Variants in ESR1 observed in about 807,000 individuals in gnomAD.
ESR1 encodes estrogen receptor.
A neutral mutation model predicts 52.7 loss-of-function variants in ESR1; 12 were observed. The ratio of observed to expected loss-of-function variants is 0.23; its 90% CI spans 0.15 to 0.37. The LOEUF is 0.37. Ranked by LOEUF, ESR1 falls within the 10% of genes least tolerant of loss-of-function variation. The pLI, the probability that ESR1 is intolerant of heterozygous loss-of-function variation, is 1.00. For synonymous variants in ESR1, 305 were observed against 316.8 expected, an observed-to-expected ratio of 0.96 and a Z score of 0.39; for missense variants, 584 against 779.7, an observed-to-expected ratio of 0.75 and a Z score of 2.99.
At chr6:151,763,225 AT>A (rs67778362) in intron 2 of ESR1, among the ~76,000 whole-genome samples, 58 of 146,642 alleles carry the variant, frequency 4.0e-4, no homozygotes, top group South Asian at 4.3e-4. Flanking sequence ...ACTGTGTCTG[AT>A]TTTTTTTTTT....
At chr6:152,122,697 A>T in intron 6 of ESR1, 1 of 1,613,486 alleles carries the variant, frequency 6.2e-7, no homozygotes, top group Non-Finnish European at 8.5e-7. Flanking sequence ...AATGGACATA[A>T]ATTACTCAGA....
intron 1 of ESR1, among the ~76,000 whole-genome samples, chr6:151,831,771 C>T (rs554193581): frequency 2.0e-5 from 3 of 152,260 alleles, no homozygotes; most frequent in South Asian, 2.1e-4. Flanking sequence ...CCATGTAAAA[C>T]GCTTAAAATA....
At chr6:151,708,873 T>TATATCAATATCGAGATATACATATATCTC (rs1780368004) in intron 2 of ESR1, among the ~76,000 whole-genome samples, 2 of 151,974 alleles carry the variant, frequency 1.3e-5, no homozygotes, top group African/African-American at 2.4e-5. Context: ...ACATATATCT[T>TATATCAATATCGAGATATACATATATCTC]GATATATCAA....
chr6:152,113,582 G>A (rs1434099933), intron 6 of ESR1, among the ~76,000 whole-genome samples: 2 of 152,102 alleles, frequency 1.3e-5, no homozygotes, highest in Non-Finnish European at 2.9e-5. Flanking sequence ...TATTGTGTGT[G>A]TGTGTGTGTG....
rs1325925889 is a variant in ESR1 at position 152,098,066 on chromosome 6, G to A, written c.1554-666G>A. ...GGAGGAAGGTTCATCCCAGCAAGTA[G>A]GAACAGCAAGTGTAGGTCCCCTAAG... On this transcript the variant is annotated intron_variant, in intron 7 of 7. Coordinates refer to ENST00000206249, the MANE Select transcript of ESR1 (RefSeq NM_000125.4). This position sits in a 1 kb window ranked among gnomAD's most constrained non-coding sequence, Gnocchi z 5.1. Among the ~76,000 whole-genome samples the A allele has an allele frequency of 6.6e-6, 1 of 152,090 alleles. No individual in the cohort carries two copies. Among genetic ancestry groups the A allele is most frequent in the Admixed American group, 6.5e-5 (1 of 15,274 alleles).
intron 1 of ESR1, among the ~76,000 whole-genome samples, chr6:151,700,668 C>CTT (rs34905961): frequency 2.7e-3 from 315 of 117,018 alleles, no homozygotes; most frequent in Middle Eastern, 4.9e-3. Flanking sequence ...TTAAACTTTC[C>CTT]TTTTTTTTTT....
At chr6:151,836,443 A>G (rs1000086295) in intron 1 of ESR1, among the ~76,000 whole-genome samples, 1 of 152,194 alleles carries the variant, frequency 6.6e-6, no homozygotes, top group African/African-American at 2.4e-5. Context: ...AATATTCACT[A>G]TCATGAGAAC....
chr6:151,758,485 G>A (rs1784432047), intron 2 of ESR1, among the ~76,000 whole-genome samples: 1 of 152,180 alleles, frequency 6.6e-6, no homozygotes, highest in Non-Finnish European at 1.5e-5. Context: ...GGAAGGCCAG[G>A]GATGGTGGCT....
In ESR1 at chr6:151,717,959, T is replaced by C. The variant is rs80308870; in HGVS notation, c.-71+15954T>C. ...TGCTGGGGAGTGTGGAGGAGCTCTT[T>C]GTTGGTGTTGCACATACAATTTAAG... On this transcript the variant is annotated intron_variant, in intron 2 of 2. Coordinates refer to the ESR1 transcript ENST00000404742. Among the ~76,000 whole-genome samples the C allele has an allele frequency of 8.8e-3, 1,333 of 152,274 alleles. 20 individuals carry two copies. Among genetic ancestry groups the C allele is most frequent in the African/African-American group, 0.029 (1,221 of 41,538 alleles).
chr6:151,694,795 C>CAAA (rs71017507), intron 1 of ESR1, among the ~76,000 whole-genome samples: 2 of 139,116 alleles, frequency 1.4e-5, no homozygotes, highest in African/African-American at 2.6e-5. Flanking sequence ...TAAAAAAAGA[C>CAAA]AAAAAAAAAA....
chr6:151,899,375 C>T (rs1473487907), intron 3 of ESR1, among the ~76,000 whole-genome samples: 18 of 128,338 alleles, frequency 1.4e-4, no homozygotes, highest in Admixed American at 1.5e-4. Flanking sequence ...CCTTCCCGGA[C>T]GGGGCGGCTG....
intron 3 of ESR1, among the ~76,000 whole-genome samples, chr6:151,905,502 C>T (rs1797299879): frequency 6.6e-6 from 1 of 151,976 alleles, no homozygotes; most frequent in South Asian, 2.1e-4. Flanking sequence ...AGAAAAAAAT[C>T]GATTTAAATT....
At chr6:151,878,138 C>T (rs1029162384) in intron 2 of ESR1, among the ~76,000 whole-genome samples, 2 of 152,106 alleles carry the variant, frequency 1.3e-5, no homozygotes, top group Non-Finnish European at 2.9e-5. Flanking sequence ...TTGTTAAAAG[C>T]TGAAATATAT....
intron 4 of ESR1, 44 bp downstream of exon 4, chr6:151,944,552 A>G (rs748224719): frequency 6.4e-7 from 1 of 1,559,488 alleles, no homozygotes; most frequent in East Asian, 2.2e-5. Context: ...TAGCTTTTCA[A>G]GAACTTGTTG....
At chr6:151,826,784 T>C (rs1781576655) in intron 1 of ESR1, among the ~76,000 whole-genome samples, 1 of 152,202 alleles carries the variant, frequency 6.6e-6, no homozygotes, top group African/African-American at 2.4e-5. Flanking sequence ...CAGGTATTGT[T>C]ATCAGCACTG....
intron 7 of ESR1, among the ~76,000 whole-genome samples, chr6:152,097,145 CTT>C (rs2050675648): frequency 1.3e-5 from 2 of 151,450 alleles, no homozygotes; most frequent in South Asian, 2.1e-4. Flanking sequence ...CTCTCTCTCT[CTT>C]TCTCTCTCTC....
chr6:151,837,649 C>G (rs1783582776), intron 1 of ESR1, among the ~76,000 whole-genome samples: 1 of 152,172 alleles, frequency 6.6e-6, no homozygotes, highest in Admixed American at 6.5e-5. Context: ...CGATCTTCAG[C>G]TCTATTTCTT....
chr6:151,666,635 G>A (rs1777831583), intron 1 of ESR1, among the ~76,000 whole-genome samples: 1 of 151,538 alleles, frequency 6.6e-6, no homozygotes, highest in Non-Finnish European at 1.5e-5. Flanking sequence ...CACCTTCACT[G>A]AGAAGCAGAC....
intron 5 of ESR1, among the ~76,000 whole-genome samples, chr6:152,050,823 T>A (rs959622031): frequency 1.3e-5 from 2 of 152,154 alleles, no homozygotes; most frequent in African/African-American, 4.8e-5. Context: ...AACAAATGGG[T>A]CCTGGGTAAT....
Sources: gnomAD v4.1 joint callset for allele counts (sites outside exome capture counted in the v4.1 genomes callset) on GRCh38, gnomAD v4.1.1 for gene constraint, Gnocchi (gnomAD v3.1) non-coding constraint, MANE v1.5 for transcripts, NCBI Gene and HGNC (gene_info 2026-07-23, HGNC 2026-07-21) for gene names.